KAZN: variants seen among roughly 807,000 people sequenced by gnomAD.
The protein encoded by KAZN is kazrin, periplakin interacting protein, also known as kazrin.
Under a neutral mutation model 87.4 loss-of-function variants are expected in KAZN, and 40 were observed. The observed-to-expected ratio is 0.46, with a 90% confidence interval of 0.36 to 0.60. The LOEUF (loss-of-function observed/expected upper bound fraction) is 0.60. Ranked by LOEUF, KAZN falls within the 20% of genes least tolerant of loss-of-function variation. KAZN has a pLI of 0.00. For synonymous variants in KAZN, 466 were observed against 458.3 expected (o/e 1.02, Z -0.22); for missense variants, 898 against 1,073.9 (o/e 0.84, Z 2.29).
Position 14,266,173 on chromosome 1 carries a change from C to A in KAZN, c.249+85581C>A, listed in dbSNP as rs549962463. Among the ~76,000 whole-genome samples, 7 of 152,306 alleles carry A rather than the reference C, an allele frequency of 4.6e-5. No homozygotes were observed. In the East Asian group the frequency reaches 1.4e-3, roughly 29 times the overall value. ...AATAAATTGTTATAACTCTATGTGT[C>A]TTTACCTGTGTCTGGATGGCACTTT... On this transcript the variant is annotated intron_variant, in intron 2 of 16. Coordinates refer to the KAZN transcript ENST00000636203.
intron 1 of KAZN, among the ~76,000 whole-genome samples, chr1:14,177,379 G>A (rs1416307084): frequency 6.6e-6 from 1 of 152,060 alleles, no homozygotes; most frequent in African/African-American, 2.4e-5. Context: ...TTTGTAAATA[G>A]AAGTTTCTAC....
At chr1:14,259,636 A>G (rs966240016) in intron 2 of KAZN, among the ~76,000 whole-genome samples, 6 of 152,190 alleles carry the variant, frequency 3.9e-5, no homozygotes, top group Non-Finnish European at 7.3e-5. Context: ...CACCATTTCC[A>G]GAGGAGATGC....
At chr1:14,206,253 G>GT (rs960766603) in intron 2 of KAZN, among the ~76,000 whole-genome samples, 8 of 152,044 alleles carry the variant, frequency 5.3e-5, no homozygotes, top group African/African-American at 1.9e-4. Context: ...CTGACTTTTT[G>GT]TTTTTTTCTT....
In KAZN at chr1:14,133,376, AAAAAGAAAGAAAGAAAG is replaced by A. The variant is rs1180181414; in HGVS notation, c.92-47055_92-47039del. ...GTGAGACTCCCTCTCAAAAAAAAAA[AAAAAGAAAGAAAGAAAG>A]AAAGAAAGAAAGAAAGAAAGAAAGA... On this transcript the variant is annotated intron_variant, in intron 1 of 16. Transcript: ENST00000636203. Among the ~76,000 whole-genome samples the A allele has an allele frequency of 6.7e-4, 51 of 75,922 alleles. 5 individuals carry two copies. The highest frequency in any genetic ancestry group is 3.7e-3 in the African/African-American group (49 of 13,356). The allele number at this position is 75,922 out of a possible 152,430, so 49.8% of individuals were successfully genotyped here.
chr1:14,886,425 TACACACACACATACACAC>T (rs953127748), intron 1 of KAZN, among the ~76,000 whole-genome samples: 1 of 139,822 alleles, frequency 7.2e-6, no homozygotes, highest in Non-Finnish European at 1.6e-5. Context: ...CTTGTCTCTA[TACACACACACATACACAC>T]ACACACACAC....
At chr1:14,089,791 A>G (rs188909627) in intron 1 of KAZN, among the ~76,000 whole-genome samples, 1 of 152,310 alleles carries the variant, frequency 6.6e-6, no homozygotes, top group East Asian at 1.9e-4. Context: ...AGCTTCAGCC[A>G]GTGTATCAGC....
chr1:15,007,609 G>A (rs1031239124), intron 2 of KAZN, among the ~76,000 whole-genome samples: 5 of 152,332 alleles, frequency 3.3e-5, no homozygotes, highest in South Asian at 2.1e-4. Flanking sequence ...TTGGCCAGCC[G>A]ACCCGTTGGG....
chr1:14,137,651 A>ACT (rs915333430), intron 1 of KAZN, among the ~76,000 whole-genome samples: 1 of 151,586 alleles, frequency 6.6e-6, no homozygotes, highest in African/African-American at 2.4e-5. Flanking sequence ...AAACATGTAA[A>ACT]CTGCTGACAA....
chr1:13,917,343 T>A (rs1242366212), intron 1 of KAZN, among the ~76,000 whole-genome samples: 1 of 152,192 alleles, frequency 6.6e-6, no homozygotes, highest in Non-Finnish European at 1.5e-5. Flanking sequence ...TGGAAGAAGA[T>A]GCCATTTAGG....
chr1:14,373,048 G>A (rs924999468), intron 2 of KAZN, among the ~76,000 whole-genome samples: 1 of 152,220 alleles, frequency 6.6e-6, no homozygotes, highest in African/African-American at 2.4e-5. Flanking sequence ...ATGAGTAGGA[G>A]GTTGCCACGT....
chr1:14,716,317 G>T (rs113464221), intron 1 of KAZN, among the ~76,000 whole-genome samples: 144 of 152,232 alleles, frequency 9.5e-4, no homozygotes, highest in African/African-American at 3.3e-3. Flanking sequence ...TATCGTTCAG[G>T]CAATGCAGCG....
Position 15,066,552 on chromosome 1 carries a change from T to C in KAZN, c.1222+799T>C. ...GTTTTTAAATTGCATTGCCGTTTCTTTCTTTATGAAAAAAAAGAAAAAAAG... is the reference window on the plus strand; with the variant it reads ...GTTTTTAAATTGCATTGCCGTTTCTCTCTTTATGAAAAAAAAGAAAAAAAG... On this transcript the variant is annotated intron_variant, in intron 8 of 14. Transcript: ENST00000376030. This position sits in a 1 kb window ranked among gnomAD's most constrained non-coding sequence, Gnocchi z 4.3. 1.0e-6 allele frequency: 1 copy of C among 985,376 alleles called. No homozygotes were observed. Among genetic ancestry groups the C allele is most frequent in the South Asian group, 4.7e-5 (1 of 21,286 alleles). The allele number at this position is 985,376 out of a possible 1,614,324, so 61.0% of individuals were successfully genotyped here. A position where few individuals can be genotyped will look rare whatever the true frequency, so the allele number is the denominator to read the frequency against.
chr1:14,489,572 G>A (rs1669536555), intron 2 of KAZN, among the ~76,000 whole-genome samples: 1 of 151,756 alleles, frequency 6.6e-6, no homozygotes, highest in Non-Finnish European at 1.5e-5. Flanking sequence ...CATCTATACT[G>A]AAAATACAAA....
intron 1 of KAZN, among the ~76,000 whole-genome samples, chr1:13,935,599 C>T (rs184331764): frequency 2.4e-4 from 36 of 152,242 alleles, no homozygotes; most frequent in African/African-American, 7.5e-4. Context: ...CTGCAGCTCA[C>T]GGTTGGGAGG....
intron 1 of KAZN, among the ~76,000 whole-genome samples, chr1:14,089,146 A>G (rs1643917489): frequency 6.6e-6 from 1 of 151,954 alleles, no homozygotes; most frequent in Non-Finnish European, 1.5e-5. Flanking sequence ...TGGATGCTGT[A>G]TCTTTTTATA....
intron 1 of KAZN, among the ~76,000 whole-genome samples, chr1:13,995,987 A>G (rs918889338): frequency 1.3e-5 from 2 of 152,170 alleles, no homozygotes; most frequent in African/African-American, 4.8e-5. Flanking sequence ...GAACCATAAT[A>G]AGCATGTGAA....
chr1:14,652,648 CCCATCCACCCACCCACCCACCCATCCAT>C (rs1638510097), intron 1 of KAZN, among the ~76,000 whole-genome samples: 1 of 56,210 alleles, frequency 1.8e-5, no homozygotes, highest in Admixed American at 2.3e-4. Context: ...CATCCATCCA[CCCATCCACCCACCCACCCACCCATCCAT>C]CCACCCACCC....
chr1:14,867,776 G>A (rs567560444), intron 1 of KAZN, among the ~76,000 whole-genome samples: 1 of 135,614 alleles, frequency 7.4e-6, no homozygotes, highest in African/African-American at 2.8e-5. Flanking sequence ...GCAGCAGGCA[G>A]GTCAGCTGGC....
intron 1 of KAZN, among the ~76,000 whole-genome samples, chr1:13,922,549 G>A (rs1477832826): frequency 2.0e-5 from 3 of 152,220 alleles, no homozygotes; most frequent in Admixed American, 2.0e-4. Flanking sequence ...ACCTGGCAGA[G>A]CTGCTTGTGC....
Sources: gnomAD v4.1 joint callset for allele counts (sites outside exome capture counted in the v4.1 genomes callset) on GRCh38, gnomAD v4.1.1 for gene constraint, Gnocchi (gnomAD v3.1) non-coding constraint, MANE v1.5 for transcripts, NCBI Gene and HGNC (gene_info 2026-07-23, HGNC 2026-07-21) for gene names.